ITPR2: variants seen among roughly 807,000 people sequenced by gnomAD.
ITPR2 encodes inositol 1,4,5-trisphosphate receptor type 2.
ITPR2 carries 207 observed loss-of-function variants against 317.1 expected under a neutral mutation model. That is an observed-to-expected ratio of 0.65 (90% CI 0.58 to 0.73). The LOEUF is 0.73. Ranked by LOEUF, ITPR2 falls within the 30% of genes least tolerant of loss-of-function variation. The pLI, the probability that ITPR2 is intolerant of heterozygous loss-of-function variation, is 0.00. For missense variants in ITPR2, 2,613 were observed against 3,284.0 expected, an observed-to-expected ratio of 0.80 and a Z score of 4.99; for synonymous variants, 1,156 against 1,149.1, an observed-to-expected ratio of 1.01 and a Z score of -0.12.
At chr12:26,797,076 T>C (rs907600920) in intron 1 of ITPR2, among the ~76,000 whole-genome samples, 3 of 151,990 alleles carry the variant, frequency 2.0e-5, no homozygotes, top group Admixed American at 6.6e-5. Flanking sequence ...AATAATTTCA[T>C]ACAGTAGAAA....
At chr12:26,832,669 C>A in intron 1 of ITPR2, 21 bp downstream of exon 1, 1 of 1,573,494 alleles carries the variant, frequency 6.4e-7, no homozygotes, top group South Asian at 1.1e-5. Flanking sequence ...GAGCGCTGCC[C>A]AGCCCTCGTC....
chr12:26,491,203 G>C (rs994524102), intron 39 of ITPR2, among the ~76,000 whole-genome samples: 2 of 151,932 alleles, frequency 1.3e-5, no homozygotes, highest in Admixed American at 6.6e-5. Flanking sequence ...GGCATCTTTG[G>C]CTGGGTGTGG....
intron 22 of ITPR2, among the ~76,000 whole-genome samples, chr12:26,630,114 G>A (rs1338113040): frequency 1.3e-5 from 2 of 152,142 alleles, no homozygotes; most frequent in East Asian, 1.9e-4. Flanking sequence ...GAAGGCAGGG[G>A]GCAGAGCTGG....
At chr12:26,570,396 T>G (rs949382326) in intron 34 of ITPR2, among the ~76,000 whole-genome samples, 2 of 152,268 alleles carry the variant, frequency 1.3e-5, no homozygotes, top group Non-Finnish European at 2.9e-5. Context: ...ATAATTGAGT[T>G]TTTAAAAACT....
intron 35 of ITPR2, among the ~76,000 whole-genome samples, chr12:26,561,135 CAT>C (rs890007300): frequency 7.9e-5 from 12 of 152,298 alleles, no homozygotes; most frequent in East Asian, 3.9e-4. Flanking sequence ...AGGACACAGA[CAT>C]GTGCAAACAC....
chr12:26,342,015 T>C (rs910401220), intron 55 of ITPR2, among the ~76,000 whole-genome samples: 7 of 152,138 alleles, frequency 4.6e-5, no homozygotes, highest in African/African-American at 1.7e-4. Context: ...GAAATAGGCA[T>C]GTGGGGGAAG....
chr12:26,695,498 ATC>A (rs1948324170), intron 10 of ITPR2, 106 bp downstream of exon 10: 8 of 883,710 alleles, frequency 9.1e-6, no homozygotes, highest in Non-Finnish European at 1.5e-5. Flanking sequence ...TACTCAGAAA[ATC>A]TCTCTGAGCC....
intron 1 of ITPR2, among the ~76,000 whole-genome samples, chr12:26,827,466 C>G (rs143955768): frequency 6.6e-6 from 1 of 152,122 alleles, no homozygotes; most frequent in African/African-American, 2.4e-5. Context: ...GGCCACTAAG[C>G]CTAAGAAAAT....
chr12:26,532,652 T>A (rs145654207), intron 37 of ITPR2, among the ~76,000 whole-genome samples: 233 of 152,180 alleles, frequency 1.5e-3, no homozygotes, highest in African/African-American at 5.4e-3. Flanking sequence ...CACAATGGAC[T>A]GTAATGATGA....
At chr12:26,483,582 T>C in intron 42 of ITPR2, 116 bp downstream of exon 42, 2 of 725,622 alleles carry the variant, frequency 2.8e-6, no homozygotes, top group Non-Finnish European at 2.4e-6. Flanking sequence ...TATGTTTTAT[T>C]AGGAAAGTAA....
At position 26,698,791 on chromosome 12, in the gene ITPR2, A is replaced by C. The variant is rs563591108; in HGVS notation, c.952-3141T>G. 2.0e-5 allele frequency among the ~76,000 whole-genome samples: 3 copies of C among 152,284 alleles called. No homozygotes were observed. The East Asian group carries it at 5.8e-4, about 29-fold the overall frequency. On this transcript the variant is annotated intron_variant, in intron 9 of 56. Transcript: ENST00000381340. ...AGAATTAGTTTCAAAACGGGATTTA[A>C]TCCTGCTTTTAGAATCCAAGAGTGA...
intron 45 of ITPR2, among the ~76,000 whole-genome samples, chr12:26,451,369 A>G (rs1219787482): frequency 4.5e-5 from 1 of 22,160 alleles, no homozygotes; most frequent in African/African-American, 6.4e-5. Context: ...CTCATATCAC[A>G]CACACACACA....
chr12:26,765,486 T>C (rs1331477864), intron 2 of ITPR2, among the ~76,000 whole-genome samples: 1 of 152,130 alleles, frequency 6.6e-6, no homozygotes, highest in Non-Finnish European at 1.5e-5. Context: ...CCTATTGCCC[T>C]TACCTTCTCT....
At chr12:26,690,667 A>G (rs1277954590) in intron 10 of ITPR2, among the ~76,000 whole-genome samples, 1 of 152,230 alleles carries the variant, frequency 6.6e-6, no homozygotes, top group Non-Finnish European at 1.5e-5. Flanking sequence ...AGGTTCCTAC[A>G]GAATGCCCTC....
At chr12:26,746,492 CTGAG>C (rs1328858633) in intron 2 of ITPR2, among the ~76,000 whole-genome samples, 1 of 152,186 alleles carries the variant, frequency 6.6e-6, no homozygotes, top group African/African-American at 2.4e-5. Flanking sequence ...TTGGTCCTAA[CTGAG>C]TGTGTCCTGC....
At chr12:26,687,837 A>T (rs16931159) in intron 10 of ITPR2, among the ~76,000 whole-genome samples, 1,862 of 152,282 alleles carry the variant, frequency 0.012, 35 homozygotes, top group African/African-American at 0.042. Context: ...TCTTCCACAG[A>T]GACCAAAATT....
intron 34 of ITPR2, among the ~76,000 whole-genome samples, chr12:26,566,007 AGAG>A (rs1167727055): frequency 1.0e-5 from 1 of 96,528 alleles, no homozygotes; most frequent in Admixed American, 1.0e-4. Flanking sequence ...GAGGTGAAGA[AGAG>A]GAGAAGGAAA....
rs112201008 is a variant in ITPR2 at position 26,612,271 on chromosome 12, A to G, written c.3462+8852T>C. 7.9e-5 allele frequency among the ~76,000 whole-genome samples: 12 copies of G among 152,280 alleles called. 1 individual carries two copies. Among genetic ancestry groups the G allele is most frequent in the African/African-American group, 2.9e-4 (12 of 41,560 alleles). ...TTTTATTCTCAAAATGAAGAATCAC[A>G]TTAAAGTTATCTGGTCTTCTGATAT... On this transcript the variant is annotated intron_variant, in intron 26 of 56. Coordinates refer to ENST00000381340, the MANE Select transcript of ITPR2 (RefSeq NM_002223.4).
chr12:26,506,520 C>CAAAAAAAAAAAAAAAAAAAA (rs11362827), intron 37 of ITPR2, among the ~76,000 whole-genome samples: 1 of 87,532 alleles, frequency 1.1e-5, no homozygotes, highest in African/African-American at 4.4e-5. Context: ...AATCCTGTCT[C>CAAAAAAAAAAAAAAAAAAAA]AAAAAAAAAA....
Sources: allele counts gnomAD v4.1 joint callset (sites outside exome capture counted in the v4.1 genomes callset), GRCh38; gene constraint gnomAD v4.1.1; transcripts MANE v1.5; gene names NCBI Gene and HGNC (gene_info 2026-07-23, HGNC 2026-07-21).